Variants in NT5DC2 observed in about 807,000 individuals in gnomAD.
NT5DC2 encodes the protein 5'-nucleotidase domain-containing protein 2.
A neutral mutation model predicts 70.0 loss-of-function variants in NT5DC2; 41 were observed. That is an observed-to-expected ratio of 0.59 (90% CI 0.46 to 0.76). The LOEUF (loss-of-function observed/expected upper bound fraction) is 0.76. NT5DC2 is among the 30% of genes least tolerant of loss of function. The pLI, the probability that NT5DC2 is intolerant of heterozygous loss-of-function variation, is 0.00. For missense variants in NT5DC2, 705 were observed against 783.2 expected (o/e 0.90, Z 1.19); for synonymous variants, 299 against 310.4 (o/e 0.96, Z 0.39).
rs947235669 is a variant in NT5DC2 at position 52,525,156 on chromosome 3, G to T, written c.1206+53C>A. 2.8e-5 allele frequency: 35 copies of T among 1,250,532 alleles called. No individual in the cohort carries two copies. The East Asian group carries it at 6.1e-4, about 22-fold the overall frequency. 77.5% of individuals were successfully genotyped at this position (1,250,532 alleles called of 1,614,324 possible). ...TCAGCGCCAGTTGCTGGGGGCGGGGGGGGGGGGGTTTCCTGGCCCTCCCCC... is the reference window on the plus strand; with the variant it reads ...TCAGCGCCAGTTGCTGGGGGCGGGGTGGGGGGGGTTTCCTGGCCCTCCCCC... On this transcript the variant is annotated intron_variant, in intron 11 of 13. Transcript: ENST00000422318.
In NT5DC2 at chr3:52,529,185, T is replaced by C; in HGVS notation, c.382A>G (p.Ser128Gly). 1 of 1,614,010 alleles carries C rather than the reference T, an allele frequency of 6.2e-7. No individual in the cohort carries two copies. Among genetic ancestry groups the C allele is most frequent in the Non-Finnish European group, 8.5e-7 (1 of 1,179,988 alleles). Residue 128 changes from serine to glycine, a missense_variant, in exon 2 of 14, where the codon AGT becomes GGT. Coordinates refer to ENST00000422318, the MANE Select transcript of NT5DC2 (RefSeq NM_001134231.2). The surrounding 1 kb of genome is among the most constrained non-coding windows in gnomAD (Gnocchi z 4.1). ...TCGATCAGGATGTCACGGGCGGTACTGAAGATCTCGGGGTGCAGTGCGTCT... is the reference window on the plus strand; with the variant it reads ...TCGATCAGGATGTCACGGGCGGTACCGAAGATCTCGGGGTGCAGTGCGTCT... Reference protein sequence around the residue: ...YADALHPEIFSTARDILIEHY... With the variant: ...YADALHPEIFGTARDILIEHY...
At chr3:52,525,150 G>C (rs1052877784) in intron 11 of NT5DC2, 47 bp from the exon 12 acceptor site, 5 of 1,462,162 alleles carry the variant, frequency 3.4e-6, no homozygotes, top group Admixed American at 2.2e-5. Flanking sequence ...GTTGCTGGGG[G>C]CGGGGGGGGG....
Position 52,529,488 on chromosome 3 carries a change from C to A in NT5DC2, c.233-154G>T, listed in dbSNP as rs1012861805. On this transcript the variant is annotated intron_variant, in intron 1 of 13. Coordinates refer to ENST00000422318, the MANE Select transcript of NT5DC2 (RefSeq NM_001134231.2). This position sits in a 1 kb window ranked among gnomAD's most constrained non-coding sequence, Gnocchi z 4.1. ...CCAGTGCTGGAGATGGTCAAACAGG[C>A]CCAGAGAGAAGTCACTTGCCCAGGG... is the stretch of plus-strand genomic sequence containing the variant. Among the ~76,000 whole-genome samples the A allele has an allele frequency of 1.3e-5, 2 of 152,024 alleles. No homozygotes were observed. Among genetic ancestry groups the A allele is most frequent in the Non-Finnish European group, 2.9e-5 (2 of 68,002 alleles).
In NT5DC2 at chr3:52,533,140, C is replaced by T. The variant is rs530393164; in HGVS notation, c.232+366G>A. 2.1e-3 allele frequency among the ~76,000 whole-genome samples: 324 copies of T among 152,170 alleles called. 3 individuals carry two copies. The highest frequency in any genetic ancestry group is 0.017 in the Middle Eastern group (5 of 294). ...GCTGGCTTTGTCCACAGCACTCTCC[C>T]GCCCCAACTAAGGGTTGGCCGAGAA... On this transcript the variant is annotated intron_variant, in intron 1 of 13. Transcript: ENST00000422318.
Position 52,528,429 on chromosome 3 carries a change from G to A in NT5DC2, c.642+17C>T. Reference sequence around the variant, plus strand: ...CACATGTCCATGGGGCAGGCTGGCTGCTGGGGTATGGAGTACCTTGCCATA... The same window carrying A: ...CACATGTCCATGGGGCAGGCTGGCTACTGGGGTATGGAGTACCTTGCCATA... On this transcript the variant is annotated intron_variant, in intron 5 of 13. Coordinates refer to ENST00000422318, the MANE Select transcript of NT5DC2 (RefSeq NM_001134231.2). 2.5e-6 allele frequency: 4 copies of A among 1,613,302 alleles called. No individual in the cohort carries two copies. Among genetic ancestry groups the A allele is most frequent in the Middle Eastern group, 1.7e-4 (1 of 6,060 alleles).
At chr3:52,525,598 A>C in intron 10 of NT5DC2, 1 of 363,132 alleles carries the variant, frequency 2.8e-6, no homozygotes, top group East Asian at 6.2e-5. Context: ...TAAGGTAGAA[A>C]CTGCAGGGAA....
At chr3:52,525,498 C>A in intron 10 of NT5DC2, 1 of 594,470 alleles carries the variant, frequency 1.7e-6, no homozygotes, top group Non-Finnish European at 3.1e-6. Context: ...CAGGAAGGTG[C>A]CCTACAGGCC....
chr3:52,528,319 G>A lies in NT5DC2; in HGVS notation c.643-8C>T, dbSNP rs1389564136. 7 of 1,613,088 alleles carry A rather than the reference G, an allele frequency of 4.3e-6. No homozygotes were observed. The Admixed American group carries it at 1.2e-4, about 27-fold the overall frequency. ...CTGCTTAATGGAGGGACCCTGGGGA[G>A]GGGGCCATTGTCTCAGACACCCTTT... On this transcript the variant is annotated splice_polypyrimidine_tract_variant and splice_region_variant and intron_variant, in intron 5 of 13. Coordinates refer to ENST00000422318, the MANE Select transcript of NT5DC2 (RefSeq NM_001134231.2).
At position 52,525,118 on chromosome 3, in the gene NT5DC2, G is replaced by A. The variant is rs533268991; in HGVS notation, c.1207-15C>T. On this transcript the variant is annotated splice_polypyrimidine_tract_variant and intron_variant, in intron 11 of 13. Transcript: ENST00000422318. ...AGCATGAGATCCTGGTGGGTGGGGCGGCAGAACTGGGCTCAGCGCCAGTTG... is the reference window on the plus strand; with the variant it reads ...AGCATGAGATCCTGGTGGGTGGGGCAGCAGAACTGGGCTCAGCGCCAGTTG... The A allele has an allele frequency of 4.0e-5, 62 of 1,561,146 alleles. No homozygotes were observed. The highest frequency in any genetic ancestry group is 3.5e-4 in the South Asian group (30 of 85,336).
rs1307199689 is a variant in NT5DC2 at position 52,533,767 on chromosome 3, T to A, written c.-30A>T. The A allele has an allele frequency of 7.4e-6, 7 of 939,802 alleles. No homozygotes were observed. Among genetic ancestry groups the A allele is most frequent in the Non-Finnish European group, 8.6e-6 (7 of 809,518 alleles). The allele number at this position is 939,802 out of a possible 1,614,324, so 58.2% of individuals were successfully genotyped here. A position where few individuals can be genotyped will look rare whatever the true frequency, so the allele number is the denominator to read the frequency against. On this transcript the variant is annotated 5_prime_UTR_variant, in exon 1 of 14. Coordinates refer to ENST00000422318, the MANE Select transcript of NT5DC2 (RefSeq NM_001134231.2). ...ACCGCGCGCCGCCCGCCGCCCGCGC[T>A]GCCCTCGGCCAGCCCGCCGCCCGCC...
upstream of NT5DC2, chr3:52,534,329 G>A: frequency 1.0e-5 from 8 of 793,374 alleles, no homozygotes; most frequent in Non-Finnish European, 1.6e-5. Context: ...CCACTGACCA[G>A]AGCCCGGGCC....
In NT5DC2 at chr3:52,529,714, G is replaced by A. The variant is rs2079334690; in HGVS notation, c.233-380C>T. Among the ~76,000 whole-genome samples, 1 of 152,158 alleles carries A rather than the reference G, an allele frequency of 6.6e-6. No individual in the cohort carries two copies. Among genetic ancestry groups the A allele is most frequent in the Non-Finnish European group, 1.5e-5 (1 of 68,032 alleles). The stretch of plus-strand genomic sequence containing the variant: ...CTCAACTCCTCACCGCCTAGCCCCA[G>A]AACAGCTGCTTTTGGGATGCTCTAC... On this transcript the variant is annotated intron_variant, in intron 1 of 13. Coordinates refer to ENST00000422318, the MANE Select transcript of NT5DC2 (RefSeq NM_001134231.2). The surrounding 1 kb of genome is among the most constrained non-coding windows in gnomAD (Gnocchi z 4.1).
Position 52,531,934 on chromosome 3 carries a change from T to C in NT5DC2, c.232+1572A>G, listed in dbSNP as rs2079366850. On this transcript the variant is annotated intron_variant, in intron 1 of 13. Transcript: ENST00000422318. The surrounding 1 kb of genome is among the most constrained non-coding windows in gnomAD (Gnocchi z 4.1). ...GGCTCAGGGAGGTGAAGTCACTTGC[T>C]CCAAACCACCCAGTAACAGGCACCG... is the stretch of plus-strand genomic sequence containing the variant. Among the ~76,000 whole-genome samples the C allele has an allele frequency of 6.6e-6, 1 of 152,150 alleles. No homozygotes were observed. The highest frequency in any genetic ancestry group is 2.1e-4 in the South Asian group (1 of 4,832).
chr3:52,534,541 T>C (rs529936015), upstream of NT5DC2: 2 of 1,613,356 alleles, frequency 1.2e-6, no homozygotes, highest in Non-Finnish European at 1.7e-6. Context: ...ACCCGTCAAC[T>C]CCCGGTTTCC....
Position 52,533,774 on chromosome 3 carries a change from G to GCCTCCGACTGC in NT5DC2, c.-38_-37insGCAGTCGGAGG. ...GCCGCCCGCCGCCCGCGCTGCCCTC[G>GCCTCCGACTGC]GCCAGCCCGCCGCCCGCCGCCCGCC... On this transcript the variant is annotated 5_prime_UTR_variant, in exon 1 of 14. Coordinates refer to ENST00000422318, the MANE Select transcript of NT5DC2 (RefSeq NM_001134231.2). The GCCTCCGACTGC allele has an allele frequency of 9.9e-6, 9 of 912,344 alleles. No individual in the cohort carries two copies. The highest frequency in any genetic ancestry group is 1.1e-5 in the Non-Finnish European group (9 of 796,378). The allele number at this position is 912,344 out of a possible 1,614,324, so 56.5% of individuals were successfully genotyped here.
Position 52,525,108 on chromosome 3 carries a change from T to C in NT5DC2, c.1207-5A>G. ...GCCGTGCCGCAGCATGAGATCCTGG[T>C]GGGTGGGGCGGCAGAACTGGGCTCA... On this transcript the variant is annotated splice_polypyrimidine_tract_variant and splice_region_variant and intron_variant, in intron 11 of 13. Transcript: ENST00000422318. 8.6e-7 allele frequency: 1 copy of C among 1,168,812 alleles called. No individual in the cohort carries two copies. The highest frequency in any genetic ancestry group is 1.1e-6 in the Non-Finnish European group (1 of 903,364). 72.4% of individuals were successfully genotyped at this position (1,168,812 alleles called of 1,614,324 possible).
chr3:52,533,826 TGGCCTCGTGCTCCTCACGGC>T lies in NT5DC2; in HGVS notation c.-109_-90del, dbSNP rs898286164. ...CCCTCCGACTGCGCGCCCGCCACGG[TGGCCTCGTGCTCCTCACGGC>T]GGCCGGCCAATGGGTGCGGCGCGCG... On this transcript the variant is annotated 5_prime_UTR_variant, in exon 1 of 14. Transcript: ENST00000422318. 1 of 977,894 alleles carries T rather than the reference TGGCCTCGTGCTCCTCACGGC, an allele frequency of 1.0e-6. No individual in the cohort carries two copies. Among genetic ancestry groups the T allele is most frequent in the African/African-American group, 1.8e-5 (1 of 55,616 alleles). 60.6% of individuals were successfully genotyped at this position (977,894 alleles called of 1,614,324 possible). A position where few individuals can be genotyped will look rare whatever the true frequency, so the allele number is the denominator to read the frequency against.
rs768164584 is a variant in NT5DC2, at chr3:52,529,125, T to C, written c.417+25A>G. ...GGCCAGCCTCCAAGCCCTGGGTTTGTTGGTGGCAAGGACCCCCGTCTCACC... is the reference window on the plus strand; with the variant it reads ...GGCCAGCCTCCAAGCCCTGGGTTTGCTGGTGGCAAGGACCCCCGTCTCACC... On this transcript the variant is annotated intron_variant, in intron 2 of 13. Transcript: ENST00000422318. The surrounding 1 kb of genome is among the most constrained non-coding windows in gnomAD (Gnocchi z 4.1). 6 of 1,613,580 alleles carry C rather than the reference T, an allele frequency of 3.7e-6. No homozygotes were observed. The East Asian group carries it at 6.7e-5, about 18-fold the overall frequency.
intron 9 of NT5DC2, 100 bp from the exon 10 acceptor site, chr3:52,527,475 C>G (rs1367231086): frequency 5.4e-6 from 8 of 1,469,768 alleles, no homozygotes; most frequent in Non-Finnish European, 7.5e-6. Context: ...CTCAAGTGGA[C>G]CCATGCCAGC....
Sources: allele counts gnomAD v4.1 joint callset (sites outside exome capture counted in the v4.1 genomes callset), GRCh38; gene constraint gnomAD v4.1.1; non-coding constraint Gnocchi (gnomAD v3.1); transcripts MANE v1.5; gene names NCBI Gene and HGNC (gene_info 2026-07-23, HGNC 2026-07-21).